GDPD5: variants seen among roughly 807,000 people sequenced by gnomAD.
The protein encoded by GDPD5 is glycerophosphodiester phosphodiesterase 2.
Under a neutral mutation model 75.1 loss-of-function variants are expected in GDPD5, and 48 were observed. The ratio of observed to expected loss-of-function variants is 0.64; its 90% CI spans 0.51 to 0.81. The LOEUF (loss-of-function observed/expected upper bound fraction) is 0.81, where lower values mean the gene tolerates loss of function less well. Among genes scored for constraint, GDPD5 ranks in the 40% least tolerant of loss-of-function variants. The probability of loss-of-function intolerance (pLI) is 0.00; values close to 1 mark genes in which losing one functional copy is unlikely to be tolerated. For synonymous variants in GDPD5, 336 were observed against 339.0 expected, an observed-to-expected ratio of 0.99 and a Z score of 0.10; for missense variants, 706 against 822.6, an observed-to-expected ratio of 0.86 and a Z score of 1.73.
chr11:75,439,361 G>A (rs1275409022), intron 15 of GDPD5: 1 of 456,564 alleles, frequency 2.2e-6, no homozygotes, highest in African/African-American at 2.0e-5. Context: ...ATAGCTGTGA[G>A]ATGCCAGAGT....
At chr11:75,440,307 C>T (rs941418626) in intron 14 of GDPD5, among the ~76,000 whole-genome samples, 1 of 152,152 alleles carries the variant, frequency 6.6e-6, no homozygotes, top group Non-Finnish European at 1.5e-5. Flanking sequence ...TGCCGCCCCC[C>T]GCTGCCGACT....
chr11:75,449,609 C>A lies in GDPD5; in HGVS notation c.476G>T (p.Gly159Val), dbSNP rs1276421062. The A allele has an allele frequency of 1.9e-6, 3 of 1,573,814 alleles. No individual in the cohort carries two copies. In the South Asian group the frequency reaches 3.5e-5, roughly 18 times the overall value. Reference protein sequence around the residue: ...EWEVLLISLQGTAPFLHVGAV... With the variant: ...EWEVLLISLQVTAPFLHVGAV... ...CCCCACATGCAGGAATGGCGCTGTG[C>A]CCTGTTTGCAGGGAGAGGGAAGGGA... is the stretch of plus-strand genomic sequence containing the variant. Residue 159 changes from glycine (G) to valine (V), a missense_variant and splice_region_variant, in exon 8 of 17, where the codon GGC becomes GTC. Physicochemically the swap from Gly to Val is moderately radical, Grantham distance 109 (BLOSUM62 -3). Transcript: ENST00000336898.
chr11:75,503,865 C>A (rs543193336), intron 1 of GDPD5, among the ~76,000 whole-genome samples: 11 of 152,292 alleles, frequency 7.2e-5, no homozygotes, highest in African/African-American at 2.2e-4. Flanking sequence ...CTGAGATGTT[C>A]ATCTCCCAGC....
Position 75,435,482 on chromosome 11 carries a change from A to G in GDPD5, c.*25T>C. ...AGGCTCCCCAGCTTCTGTGTCAGGTACAGGTGGGACAGACATGTCTTCAGC... is the reference window on the plus strand; with the variant it reads ...AGGCTCCCCAGCTTCTGTGTCAGGTGCAGGTGGGACAGACATGTCTTCAGC... On this transcript the variant is annotated 3_prime_UTR_variant, in exon 17 of 17. Transcript: ENST00000336898. 6.4e-7 allele frequency: 1 copy of G among 1,562,734 alleles called. No individual in the cohort carries two copies. Among genetic ancestry groups the G allele is most frequent in the South Asian group, 1.2e-5 (1 of 83,254 alleles).
intron 15 of GDPD5, among the ~76,000 whole-genome samples, chr11:75,439,670 G>A (rs1948730623): frequency 6.6e-6 from 1 of 152,194 alleles, no homozygotes; most frequent in African/African-American, 2.4e-5. Flanking sequence ...GGCAGAGCTT[G>A]GCTCTGGGAT....
At chr11:75,436,633 G>A (rs1285139663) in intron 16 of GDPD5, among the ~76,000 whole-genome samples, 1 of 152,122 alleles carries the variant, frequency 6.6e-6, no homozygotes, top group Non-Finnish European at 1.5e-5. Context: ...GGCAAAGGGG[G>A]ATGGGCCTTC....
In GDPD5 at chr11:75,441,177, G is replaced by A. The variant is rs1356662180; in HGVS notation, c.1459C>T (p.Pro487Ser). The A allele has an allele frequency of 6.2e-7, 1 of 1,613,728 alleles. No individual in the cohort carries two copies. The highest frequency in any genetic ancestry group is 1.3e-5 in the African/African-American group (1 of 74,928). Reference protein sequence around the residue: ...NSHALSQVPSPLWIMPPDEYC... With the variant: ...NSHALSQVPSSLWIMPPDEYC... ...CCCCAACTCACCATGATCCAGAGGGGGGAAGGCACCTGGGACAGGGCGTGG... is the reference window on the plus strand; with the variant it reads ...CCCCAACTCACCATGATCCAGAGGGAGGAAGGCACCTGGGACAGGGCGTGG... The change falls in exon 14 of 17, where the codon CCC becomes TCC. Residue 487 changes from proline (P) to serine (S), a missense_variant. Coordinates refer to ENST00000336898, the MANE Select transcript of GDPD5 (RefSeq NM_030792.8).
intron 2 of GDPD5, among the ~76,000 whole-genome samples, chr11:75,488,442 T>G (rs1950053518): frequency 6.6e-6 from 1 of 151,870 alleles, no homozygotes; most frequent in Non-Finnish European, 1.5e-5. Flanking sequence ...AGTGGGAAAG[T>G]GGGGCACACC....
At chr11:75,455,773 C>G (rs752802087) in intron 6 of GDPD5, among the ~76,000 whole-genome samples, 4 of 152,190 alleles carry the variant, frequency 2.6e-5, no homozygotes, top group Non-Finnish European at 5.9e-5. Flanking sequence ...TCTGTGCCCA[C>G]CAGGGCCCCA....
intron 14 of GDPD5, among the ~76,000 whole-genome samples, chr11:75,440,329 G>A (rs1948753756): frequency 6.6e-6 from 1 of 152,100 alleles, no homozygotes; most frequent in Admixed American, 6.5e-5. Flanking sequence ...TCATCCATCG[G>A]TCTCGACCCT....
In GDPD5 at chr11:75,477,741, T is replaced by C; in HGVS notation, c.-6A>G. 1 of 1,555,568 alleles carries C rather than the reference T, an allele frequency of 6.4e-7. No homozygotes were observed. The highest frequency in any genetic ancestry group is 1.4e-5 in the African/African-American group (1 of 73,588). ...AGGGGCTGGTGTCTCACCATACTCG[T>C]GCCCACGGCCCTGGCGCCTGGCCCT... On this transcript the variant is annotated 5_prime_UTR_variant, in exon 3 of 17. Coordinates refer to ENST00000336898, the MANE Select transcript of GDPD5 (RefSeq NM_030792.8).
chr11:75,524,267 G>A (rs1243100270), intron 1 of GDPD5, among the ~76,000 whole-genome samples: 4 of 152,326 alleles, frequency 2.6e-5, no homozygotes, highest in South Asian at 2.1e-4. Flanking sequence ...GGCATTCCTC[G>A]GGGCCCCAGC....
At chr11:75,484,598 T>A (rs189407382) in intron 2 of GDPD5, among the ~76,000 whole-genome samples, 2 of 152,122 alleles carry the variant, frequency 1.3e-5, no homozygotes, top group African/African-American at 4.8e-5. Context: ...CCAGAACTGA[T>A]TGAGGTCAAG....
In GDPD5 at chr11:75,456,827, A is replaced by T. The variant is rs1454323938; in HGVS notation, c.316-11T>A. 3.1e-6 allele frequency: 5 copies of T among 1,613,694 alleles called. No individual in the cohort carries two copies. The highest frequency in any genetic ancestry group is 8.5e-7 in the Non-Finnish European group (1 of 1,179,714). On this transcript the variant is annotated splice_polypyrimidine_tract_variant and intron_variant, in intron 5 of 16. Coordinates refer to ENST00000336898, the MANE Select transcript of GDPD5 (RefSeq NM_030792.8). ...ACATAGTGCCAGGACCTGAGGAGGG[A>T]CCCACAGGGTGATTGTCAGGCCCGT...
intron 3 of GDPD5, among the ~76,000 whole-genome samples, chr11:75,473,229 T>C (rs971926392): frequency 4.6e-5 from 7 of 151,940 alleles, no homozygotes; most frequent in African/African-American, 1.7e-4. Flanking sequence ...GGCAGGCAAC[T>C]GGGGTTAGGG....
rs1420993413 is a variant in GDPD5, at chr11:75,466,545, CT to C, written c.118-3657del. Among the ~76,000 whole-genome samples the C allele has an allele frequency of 3.9e-5, 6 of 152,176 alleles. No homozygotes were observed. In the South Asian group the frequency reaches 8.3e-4, roughly 21 times the overall value. ...TCCCAGAGACGTGGAGCAGTGATCG[CT>C]GCCTCAATGCCCCGGCCACGGCCCT... On this transcript the variant is annotated intron_variant, in intron 3 of 16. Coordinates refer to ENST00000336898, the MANE Select transcript of GDPD5 (RefSeq NM_030792.8).
chr11:75,509,900 G>A (rs991858576), intron 1 of GDPD5, among the ~76,000 whole-genome samples: 2 of 152,246 alleles, frequency 1.3e-5, no homozygotes, highest in African/African-American at 4.8e-5. Flanking sequence ...GGCTGGTCTC[G>A]AACTCCTGAC....
intron 2 of GDPD5, among the ~76,000 whole-genome samples, chr11:75,480,799 A>G (rs1461079731): frequency 6.6e-6 from 1 of 152,234 alleles, no homozygotes; most frequent in Admixed American, 6.5e-5. Context: ...ATGTTTTTAA[A>G]TGGTTGTGAA....
At chr11:75,443,691 A>G (rs773094360) in intron 10 of GDPD5, among the ~76,000 whole-genome samples, 2 of 152,248 alleles carry the variant, frequency 1.3e-5, no homozygotes, top group Non-Finnish European at 2.9e-5. Flanking sequence ...CTGTGATGCT[A>G]TGATGAGAAC....
Sources: gnomAD v4.1 joint callset for allele counts (sites outside exome capture counted in the v4.1 genomes callset) on GRCh38, gnomAD v4.1.1 for gene constraint, MANE v1.5 for transcripts, NCBI Gene and HGNC (gene_info 2026-07-23, HGNC 2026-07-21) for gene names.